EXOC5: variants seen among roughly 807,000 people sequenced by gnomAD.
EXOC5 encodes SEC10-like 1.
Under a neutral mutation model 90.8 loss-of-function variants are expected in EXOC5, and 17 were observed. That is an observed-to-expected ratio of 0.19 (90% CI 0.13 to 0.28). The LOEUF is 0.28. Ranked by LOEUF, EXOC5 falls within the 10% of genes least tolerant of loss-of-function variation. EXOC5 has a pLI of 1.00. For synonymous variants in EXOC5, 260 were observed against 270.0 expected (o/e 0.96, Z 0.36); for missense variants, 569 against 830.6 (o/e 0.69, Z 3.87).
chr14:57,227,970 ACACACG>A (rs1262155170), intron 12 of EXOC5, among the ~76,000 whole-genome samples: 1 of 143,726 alleles, frequency 7.0e-6, no homozygotes, highest in Non-Finnish European at 1.5e-5. Context: ...ACACACACAC[ACACACG>A]TATGTAAACT....
At chr14:57,213,081 AGCTTTGATAAACGTAAGTGCT>A (rs1330316614) in intron 15 of EXOC5, among the ~76,000 whole-genome samples, 2 of 151,322 alleles carry the variant, frequency 1.3e-5, no homozygotes, top group Admixed American at 6.6e-5. Flanking sequence ...TTTGTCCAGC[AGCTTTGATAAACGTAAGTGCT>A]GCTAGGCATG....
chr14:57,222,756 C>CACACATATATATATATATATATGTAT (rs1370183602), intron 12 of EXOC5, among the ~76,000 whole-genome samples: 8 of 148,912 alleles, frequency 5.4e-5, no homozygotes, highest in African/African-American at 2.0e-4. Flanking sequence ...TATACACACA[C>CACACATATATATATATATATATGTAT]ACACACATAT....
rs191751014 is a variant in EXOC5, at chr14:57,215,290, T to C, written c.1613+2692A>G. Among the ~76,000 whole-genome samples the C allele has an allele frequency of 3.3e-5, 5 of 150,778 alleles. No homozygotes were observed. In the East Asian group the frequency reaches 7.8e-4, roughly 23 times the overall value. ...ATCGTTCTCAAACTTTTTCAAACAA[T>C]GGAAGAACTGATTACACTTTCAAAC... On this transcript the variant is annotated intron_variant, in intron 15 of 17. Coordinates refer to ENST00000621441, the MANE Select transcript of EXOC5 (RefSeq NM_006544.4).
intron 4 of EXOC5, among the ~76,000 whole-genome samples, chr14:57,241,208 C>A (rs942040256): frequency 2.0e-5 from 3 of 152,150 alleles, no homozygotes; most frequent in African/African-American, 7.2e-5. Context: ...CTGTGAATAA[C>A]AACAGCAGAG....
intron 1 of EXOC5, among the ~76,000 whole-genome samples, chr14:57,257,346 A>G (rs927084668): frequency 6.6e-6 from 1 of 151,702 alleles, no homozygotes; most frequent in Non-Finnish European, 1.5e-5. Context: ...TAGATATGTA[A>G]GAGAAATATA....
intron 1 of EXOC5, among the ~76,000 whole-genome samples, chr14:57,260,982 A>G (rs546726069): frequency 6.6e-6 from 1 of 152,218 alleles, no homozygotes; most frequent in Non-Finnish European, 1.5e-5. Context: ...AAACAAGTGA[A>G]AGAATCATTT....
Position 57,209,602 on chromosome 14 carries a change from C to T in EXOC5, c.1903G>A (p.Val635Ile). 6.2e-7 allele frequency: 1 copy of T among 1,613,114 alleles called. No homozygotes were observed. The highest frequency in any genetic ancestry group is 8.5e-7 in the Non-Finnish European group (1 of 1,179,382). Residue 635 changes from valine to isoleucine, a missense_variant, in exon 17 of 18, where the codon GTA becomes ATA. Val to Ile is a conservative substitution (Grantham distance 29). This residue lies in a region of EXOC5 where 122 missense variants were observed against 180.0 expected (regional missense o/e 0.68). Coordinates refer to ENST00000621441, the MANE Select transcript of EXOC5 (RefSeq NM_006544.4). ...CMGGMLAICD[V>I]AEYRKCAKDF... ...TTGGCACACTTCCTATATTCGGCTA[C>T]ATCACAAATGGCCAACATGCCACCC...
At chr14:57,220,653 A>C (rs1373893887) in intron 13 of EXOC5, among the ~76,000 whole-genome samples, 2 of 152,128 alleles carry the variant, frequency 1.3e-5, no homozygotes, top group Admixed American at 6.6e-5. Flanking sequence ...AGAAAAAATT[A>C]GCTAGGTGCA....
At position 57,240,402 on chromosome 14, in the gene EXOC5, C is replaced by T. The variant is rs1430781788; in HGVS notation, c.466-743G>A. ...GTTCAAGTGATTCTCCTGTCTCAGC[C>T]TCCCGAGTAGCTGGGATTACAGGCG... On this transcript the variant is annotated intron_variant, in intron 4 of 17. Transcript: ENST00000621441. 2.6e-5 allele frequency among the ~76,000 whole-genome samples: 4 copies of T among 152,212 alleles called. No individual in the cohort carries two copies. The East Asian group carries it at 7.7e-4, about 29-fold the overall frequency.
intron 6 of EXOC5, 45 bp downstream of exon 6, chr14:57,237,292 GT>G (rs928311066): frequency 3.9e-6 from 4 of 1,029,404 alleles, no homozygotes; most frequent in Middle Eastern, 2.1e-4. Flanking sequence ...TACACAAGTA[GT>G]TTTTTTACTT....
At chr14:57,250,260 A>C (rs1159930721) in intron 1 of EXOC5, among the ~76,000 whole-genome samples, 1 of 152,152 alleles carries the variant, frequency 6.6e-6, no homozygotes, top group Non-Finnish European at 1.5e-5. Context: ...AATGCAGGGG[A>C]GAATAATTGT....
At chr14:57,256,484 C>T (rs1004607336) in intron 1 of EXOC5, among the ~76,000 whole-genome samples, 2 of 152,082 alleles carry the variant, frequency 1.3e-5, no homozygotes, top group Admixed American at 6.6e-5. Flanking sequence ...CAGTTCATCT[C>T]ACTAGCCTTC....
At chr14:57,265,263 T>C (rs1244259321) in intron 1 of EXOC5, among the ~76,000 whole-genome samples, 1 of 151,842 alleles carries the variant, frequency 6.6e-6, no homozygotes, top group Non-Finnish European at 1.5e-5. Flanking sequence ...ATCTGTAGAA[T>C]GAATGAATAA....
At chr14:57,225,391 TTAAA>T (rs1186563006) in intron 12 of EXOC5, among the ~76,000 whole-genome samples, 1 of 152,256 alleles carries the variant, frequency 6.6e-6, no homozygotes, top group East Asian at 1.9e-4. Flanking sequence ...TGGTGAACGA[TTAAA>T]TAATTTATTC....
At position 57,268,181 on chromosome 14, in the gene EXOC5, G is replaced by A. The variant is rs1884748175; in HGVS notation, c.27+441C>T. On this transcript the variant is annotated intron_variant, in intron 1 of 17. Transcript: ENST00000621441. ...TACTCAAAACGAGAAGCCCCCAAGA[G>A]TCCCGATCTCAAGTGGCTTCCTCCT... The A allele has an allele frequency of 1.9e-5, 4 of 209,010 alleles. No individual in the cohort carries two copies. The South Asian group carries it at 3.1e-4, about 16-fold the overall frequency. 12.9% of individuals were successfully genotyped at this position (209,010 alleles called of 1,614,324 possible).
chr14:57,238,820 T>C (rs1883761358), intron 5 of EXOC5, among the ~76,000 whole-genome samples: 1 of 152,064 alleles, frequency 6.6e-6, no homozygotes, highest in Non-Finnish European at 1.5e-5. Context: ...TCTTCAAGTA[T>C]GAACAAAAAT....
intron 7 of EXOC5, among the ~76,000 whole-genome samples, chr14:57,234,447 T>C (rs1883588983): frequency 1.3e-5 from 2 of 150,456 alleles, no homozygotes; most frequent in Admixed American, 6.7e-5. Context: ...GTTTTACATA[T>C]ATATATGTAT....
Position 57,205,860 on chromosome 14 carries a change from C to G in EXOC5, c.*2749G>C. 2.2e-6 allele frequency: 1 copy of G among 455,796 alleles called. No homozygotes were observed. The highest frequency in any genetic ancestry group is 1.6e-5 in the South Asian group (1 of 64,354). 28.2% of individuals were successfully genotyped at this position (455,796 alleles called of 1,614,324 possible). A position where few individuals can be genotyped will look rare whatever the true frequency, so the allele number is the denominator to read the frequency against. ...CAAGGAAGATCCTAAGGACTTGCAA[C>G]TATGGCAATCCTCAAAATGGGACCA... On this transcript the variant is annotated 3_prime_UTR_variant, in exon 18 of 18. Coordinates refer to ENST00000621441, the MANE Select transcript of EXOC5 (RefSeq NM_006544.4).
At chr14:57,228,173 G>A (rs917783672) in intron 12 of EXOC5, among the ~76,000 whole-genome samples, 1 of 152,172 alleles carries the variant, frequency 6.6e-6, no homozygotes, top group African/African-American at 2.4e-5. Flanking sequence ...ACGCCAGTTA[G>A]AATGGCAATC....
Sources: gnomAD v4.1 joint callset for allele counts (sites outside exome capture counted in the v4.1 genomes callset) on GRCh38, gnomAD v4.1.1 for gene constraint, gnomAD v4.1.1 regional missense constraint, MANE v1.5 for transcripts, NCBI Gene and HGNC (gene_info 2026-07-23, HGNC 2026-07-21) for gene names.